PGAP1: variants seen among roughly 807,000 people sequenced by gnomAD.
PGAP1 encodes the protein post-GPI attachment to proteins inositol deacylase 1.
In PGAP1, 76 loss-of-function variants were observed where a neutral mutation model predicts 127.0. That is an observed-to-expected ratio of 0.60 (90% confidence interval 0.50 to 0.72). The LOEUF is 0.72. Ranked by LOEUF, PGAP1 falls within the 30% of genes least tolerant of loss-of-function variation. The pLI, the probability that PGAP1 is intolerant of heterozygous loss-of-function variation, is 0.00. For synonymous variants in PGAP1, 362 were observed against 366.5 expected, an observed-to-expected ratio of 0.99 and a Z score of 0.14; for missense variants, 982 against 1,071.3, an observed-to-expected ratio of 0.92 and a Z score of 1.16.
chr2:196,886,609 T>C lies in PGAP1; in HGVS notation c.1174-729A>G, dbSNP rs994825690. ...ATGAAAAGCTGGAGGTAGACTTTTA[T>C]ACAAACATAAATCCAGAGTCAAGCA... On this transcript the variant is annotated intron_variant, in intron 10 of 26. Transcript: ENST00000354764. 2.6e-5 allele frequency among the ~76,000 whole-genome samples: 4 copies of C among 152,360 alleles called. No individual in the cohort carries two copies. In the South Asian group the frequency reaches 8.3e-4, roughly 32 times the overall value.
chr2:196,887,111 T>G (rs1270539553), intron 10 of PGAP1, among the ~76,000 whole-genome samples: 1 of 152,126 alleles, frequency 6.6e-6, no homozygotes, highest in Admixed American at 6.5e-5. Flanking sequence ...GTATTCAGCT[T>G]TAGTCAATTA....
In PGAP1 at chr2:196,833,432, G is replaced by A. The variant is rs1356587107; in HGVS notation, c.*7802C>T. The A allele has an allele frequency of 6.6e-6, 1 of 152,042 alleles. No homozygotes were observed. Among genetic ancestry groups the A allele is most frequent in the Admixed American group, 6.5e-5 (1 of 15,268 alleles). The allele number at this position is 152,042 out of a possible 1,614,324, so 9.4% of individuals were successfully genotyped here. A position where few individuals can be genotyped will look rare whatever the true frequency, so the allele number is the denominator to read the frequency against. On this transcript the variant is annotated 3_prime_UTR_variant, in exon 27 of 27. Coordinates refer to ENST00000354764, the MANE Select transcript of PGAP1 (RefSeq NM_024989.4). ...TTGTTGTTATGCACTGTACTTTCTG[G>A]ATGGATGAGAAAAAAATAATCAATT...
chr2:196,882,143 A>C (rs1701754064), intron 12 of PGAP1, among the ~76,000 whole-genome samples: 1 of 152,132 alleles, frequency 6.6e-6, no homozygotes, highest in Admixed American at 6.5e-5. Context: ...AAGTTTGTCA[A>C]AGGTCAGAGA....
rs1334789308 is a variant in PGAP1 at position 196,839,612 on chromosome 2, TCAAA to T, written c.*1618_*1621del. 1 of 152,076 alleles carries T rather than the reference TCAAA, an allele frequency of 6.6e-6. No individual in the cohort carries two copies. Among genetic ancestry groups the T allele is most frequent in the Admixed American group, 6.5e-5 (1 of 15,278 alleles). The allele number at this position is 152,076 out of a possible 1,614,324, so 9.4% of individuals were successfully genotyped here. A position where few individuals can be genotyped will look rare whatever the true frequency, so the allele number is the denominator to read the frequency against. On this transcript the variant is annotated 3_prime_UTR_variant, in exon 27 of 27. Transcript: ENST00000354764. Reference sequence around the variant, plus strand: ...AAAGCTAGAAAAGACAACAATGGGATCAAACAAACTTAAAACCCTCAGAGATGAG... The same window carrying T: ...AAAGCTAGAAAAGACAACAATGGGATCAAACTTAAAACCCTCAGAGATGAG...
At chr2:196,901,648 C>T (rs570124305) in intron 5 of PGAP1, among the ~76,000 whole-genome samples, 5 of 152,318 alleles carry the variant, frequency 3.3e-5, no homozygotes, top group African/African-American at 7.2e-5. Context: ...GGAAACTTGA[C>T]TCACTTTACA....
At position 196,880,081 on chromosome 2, in the gene PGAP1, T is replaced by G; in HGVS notation, c.1345A>C (p.Ser449Arg). The G allele has an allele frequency of 6.2e-7, 1 of 1,602,148 alleles. No individual in the cohort carries two copies. The highest frequency in any genetic ancestry group is 2.2e-5 in the East Asian group (1 of 44,562). Residue 449 changes from serine (S) to arginine (R), a missense_variant, in exon 13 of 27, where the codon AGT becomes CGT. Coordinates refer to ENST00000354764, the MANE Select transcript of PGAP1 (RefSeq NM_024989.4). ...AATCTTAACCCACTTGTTACCTTAC[T>G]TCCACGAACAGATGGTACATAAACA... The part of the protein sequence containing the change: ...LVVYVPSVRG[S>R]KFVVDCEFFK...
chr2:196,842,790 G>A lies in PGAP1; in HGVS notation c.2561C>T (p.Pro854Leu). The change falls in exon 26 of 27, where the codon CCT (proline) becomes CTT (leucine). Residue 854 changes from proline to leucine, a missense_variant. By Grantham distance (98) the Pro-to-Leu change is moderately conservative (BLOSUM62 -3). Transcript: ENST00000354764. ...YFKLNPDPCK[P>L]LAFILIPTMA... ...AGTCGGAATAAGGATAAATGCCAAAGGTTTACATGGATCAGGATTAAGTTT... is the reference window on the plus strand; with the variant it reads ...AGTCGGAATAAGGATAAATGCCAAAAGTTTACATGGATCAGGATTAAGTTT... 1 of 1,577,928 alleles carries A rather than the reference G, an allele frequency of 6.3e-7. No homozygotes were observed. The highest frequency in any genetic ancestry group is 1.2e-5 in the South Asian group (1 of 86,132).
At chr2:196,846,740 A>T (rs1396923191) in intron 22 of PGAP1, among the ~76,000 whole-genome samples, 1 of 152,190 alleles carries the variant, frequency 6.6e-6, no homozygotes, top group Non-Finnish European at 1.5e-5. Flanking sequence ...ATTCACAACC[A>T]CGAAATGTAA....
At chr2:196,925,994 G>A (rs1576214018) in intron 1 of PGAP1, among the ~76,000 whole-genome samples, 1 of 152,134 alleles carries the variant, frequency 6.6e-6, no homozygotes, top group African/African-American at 2.4e-5. Flanking sequence ...TGCGAAATCT[G>A]ACGAGCAGAT....
intron 3 of PGAP1, among the ~76,000 whole-genome samples, chr2:196,914,090 C>G (rs916445619): frequency 6.6e-6 from 1 of 152,150 alleles, no homozygotes; most frequent in African/African-American, 2.4e-5. Flanking sequence ...CTGATCTTAG[C>G]AAAAGCCAAA....
At position 196,873,774 on chromosome 2, in the gene PGAP1, T is replaced by C. The variant is rs780974404; in HGVS notation, c.1427-16A>G. On this transcript the variant is annotated splice_polypyrimidine_tract_variant and intron_variant, in intron 14 of 26. Coordinates refer to ENST00000354764, the MANE Select transcript of PGAP1 (RefSeq NM_024989.4). Reference sequence around the variant, plus strand: ...GAAGACAATCCTGTTGAATTCAAAGTACTGTATTACTTAGAATATCAAGGA... The same window carrying C: ...GAAGACAATCCTGTTGAATTCAAAGCACTGTATTACTTAGAATATCAAGGA... 1.9e-6 allele frequency: 3 copies of C among 1,539,240 alleles called. No individual in the cohort carries two copies. The highest frequency in any genetic ancestry group is 2.7e-6 in the Non-Finnish European group (3 of 1,112,352).
chr2:196,895,838 T>C (rs1039684483), intron 7 of PGAP1, among the ~76,000 whole-genome samples: 9 of 152,210 alleles, frequency 5.9e-5, no homozygotes, highest in Admixed American at 3.9e-4. Context: ...GCCCAAAGAA[T>C]TGGAGCCTTC....
intron 13 of PGAP1, among the ~76,000 whole-genome samples, chr2:196,877,006 A>C (rs1278152961): frequency 6.6e-6 from 1 of 152,070 alleles, no homozygotes; most frequent in Non-Finnish European, 1.5e-5. Context: ...GTACTTTTGG[A>C]TAAGCCTATA....
Position 196,881,330 on chromosome 2 carries a change from C to T in PGAP1, c.1273-1177G>A, listed in dbSNP as rs1701723610. On this transcript the variant is annotated intron_variant, in intron 12 of 26. Coordinates refer to ENST00000354764, the MANE Select transcript of PGAP1 (RefSeq NM_024989.4). ...ATCATGAATGGTGCTGCAATGAACA[C>T]ACATACATGTGTCTTTATAATAGAA... 2.0e-5 allele frequency among the ~76,000 whole-genome samples: 3 copies of T among 152,048 alleles called. No homozygotes were observed. The South Asian group carries it at 6.2e-4, about 32-fold the overall frequency.
intron 18 of PGAP1, among the ~76,000 whole-genome samples, chr2:196,871,454 G>A (rs79340491): frequency 0.1 from 15,437 of 152,048 alleles, 1,078 homozygotes; most frequent in Non-Finnish European, 0.15. Context: ...ACTTCTTGAA[G>A]ATATGCAGTA....
rs1410487817 is a variant in PGAP1, at chr2:196,836,867, C to G, written c.*4367G>C. 6.6e-6 allele frequency: 1 copy of G among 152,078 alleles called. No homozygotes were observed. Among genetic ancestry groups the G allele is most frequent in the Non-Finnish European group, 1.5e-5 (1 of 67,996 alleles). The allele number at this position is 152,078 out of a possible 1,614,324, so 9.4% of individuals were successfully genotyped here. A position where few individuals can be genotyped will look rare whatever the true frequency, so the allele number is the denominator to read the frequency against. ...GTCATGCACTCCAAATGGATTTTCC[C>G]CAGTAAATTTTACAAAGTATCTTGT... On this transcript the variant is annotated 3_prime_UTR_variant, in exon 27 of 27. Coordinates refer to ENST00000354764, the MANE Select transcript of PGAP1 (RefSeq NM_024989.4).
intron 20 of PGAP1, among the ~76,000 whole-genome samples, chr2:196,864,134 G>A (rs2125792210): frequency 6.6e-6 from 1 of 152,048 alleles, no homozygotes; most frequent in South Asian, 2.1e-4. Flanking sequence ...GCTCACGCCT[G>A]TAGTCCCAGC....
intron 1 of PGAP1, chr2:196,922,272 T>C: frequency 8.5e-7 from 1 of 1,179,094 alleles, no homozygotes; most frequent in South Asian, 1.5e-5. Flanking sequence ...ATCTATTTTA[T>C]GATATTACTT....
rs1247499748 is a variant in PGAP1 at position 196,839,524 on chromosome 2, G to A, written c.*1710C>T. On this transcript the variant is annotated 3_prime_UTR_variant, in exon 27 of 27. Transcript: ENST00000354764. ...CACCTGTCTGCCATATCCCCACCACGAGTTTATCATTTCCCTTTAATGTTC... is the reference window on the plus strand; with the variant it reads ...CACCTGTCTGCCATATCCCCACCACAAGTTTATCATTTCCCTTTAATGTTC... The A allele has an allele frequency of 6.6e-6, 1 of 152,026 alleles. No individual in the cohort carries two copies. The highest frequency in any genetic ancestry group is 2.4e-5 in the African/African-American group (1 of 41,376). 9.4% of individuals were successfully genotyped at this position (152,026 alleles called of 1,614,324 possible). A position where few individuals can be genotyped will look rare whatever the true frequency, so the allele number is the denominator to read the frequency against.
Sources: allele counts gnomAD v4.1 joint callset (sites outside exome capture counted in the v4.1 genomes callset), GRCh38; gene constraint gnomAD v4.1.1; transcripts MANE v1.5; gene names NCBI Gene and HGNC (gene_info 2026-07-23, HGNC 2026-07-21).